CRMP1: variants seen among roughly 807,000 people sequenced by gnomAD.
CRMP1 encodes the protein dihydropyrimidinase-related protein 1.
CRMP1 carries 19 observed loss-of-function variants against 68.3 expected under a neutral mutation model. The ratio of observed to expected loss-of-function variants is 0.28; its 90% CI spans 0.19 to 0.41. The LOEUF (loss-of-function observed/expected upper bound fraction) is 0.41, where lower values mean the gene tolerates loss of function less well. CRMP1 is among the 10% of genes least tolerant of loss of function. CRMP1 has a pLI of 1.00. For missense variants in CRMP1, 791 were observed against 967.4 expected (o/e 0.82, Z 2.42); for synonymous variants, 439 against 399.6 (o/e 1.10, Z -1.18).
At position 5,877,321 on chromosome 4, in the gene CRMP1, A is replaced by G. The variant is rs777128394; in HGVS notation, c.382-10565T>C. ...CATCAAAGCAAATTAATACATCGTA[A>G]AGGTTCTGTGCTGGGAGCCACAGGG... On this transcript the variant is annotated intron_variant, in intron 1 of 13. Coordinates refer to ENST00000324989, the MANE Select transcript of CRMP1 (RefSeq NM_001014809.3). This position sits in a 1 kb window ranked among gnomAD's most constrained non-coding sequence, Gnocchi z 4.3. 6.6e-6 allele frequency among the ~76,000 whole-genome samples: 1 copy of G among 152,212 alleles called. No individual in the cohort carries two copies. The highest frequency in any genetic ancestry group is 1.5e-5 in the Non-Finnish European group (1 of 68,036).
intron 11 of CRMP1, among the ~76,000 whole-genome samples, chr4:5,835,381 G>A (rs181067008): frequency 6.6e-6 from 1 of 152,326 alleles, no homozygotes; most frequent in East Asian, 1.9e-4. Context: ...TTGGTAGGTT[G>A]CTGGATGAGT....
rs1713480444 is a variant in CRMP1, at chr4:5,860,679, A to C, written c.655+347T>G. 6.6e-6 allele frequency among the ~76,000 whole-genome samples: 1 copy of C among 151,106 alleles called. No homozygotes were observed. The highest frequency in any genetic ancestry group is 2.1e-4 in the South Asian group (1 of 4,766). ...CCTATAATCCATGTCTTCTTTACTTAATACTTTTCTTTAAACAAATTTTGT... is the reference window on the plus strand; with the variant it reads ...CCTATAATCCATGTCTTCTTTACTTCATACTTTTCTTTAAACAAATTTTGT... On this transcript the variant is annotated intron_variant, in intron 3 of 13. Transcript: ENST00000324989. This position sits in a 1 kb window ranked among gnomAD's most constrained non-coding sequence, Gnocchi z 4.2.
At chr4:5,836,973 A>T in intron 9 of CRMP1, 67 bp from the exon 10 acceptor site, 1 of 1,519,548 alleles carries the variant, frequency 6.6e-7, no homozygotes, top group South Asian at 1.3e-5. Flanking sequence ...CTGACTTCAG[A>T]CAGGTACATG....
Position 5,834,319 on chromosome 4 carries a change from G to C in CRMP1, c.1623+1596C>G, listed in dbSNP as rs531446019. ...GACCATTAAGAGCTGATTAGGTCAT[G>C]AAGGCTCTGCCCTCATTAATGGTTA... On this transcript the variant is annotated intron_variant, in intron 11 of 13. Transcript: ENST00000324989. The surrounding 1 kb of genome is among the most constrained non-coding windows in gnomAD (Gnocchi z 4.3). Among the ~76,000 whole-genome samples, 6 of 152,214 alleles carry C rather than the reference G, an allele frequency of 3.9e-5. No homozygotes were observed. The highest frequency in any genetic ancestry group is 5.9e-5 in the Non-Finnish European group (4 of 68,042).
At chr4:5,887,813 T>C in intron 1 of CRMP1, 2 of 993,280 alleles carry the variant, frequency 2.0e-6, no homozygotes, top group Non-Finnish European at 2.4e-6. Flanking sequence ...GTGGGGTGCA[T>C]GGGCCGGACG....
At chr4:5,833,907 G>C (rs568052087) in intron 11 of CRMP1, among the ~76,000 whole-genome samples, 1 of 152,176 alleles carries the variant, frequency 6.6e-6, no homozygotes, top group Admixed American at 6.5e-5. Flanking sequence ...TTAGCCGGGC[G>C]TGGTGGCAGG....
rs1714018967 is a variant in CRMP1 at position 5,866,606 on chromosome 4, C to T, written c.470+62G>A. ...AGGACAGAATGCCAGCCTTCTGTTC[C>T]ATCTAAGGCCAGGCAGCCTGGCGAC... On this transcript the variant is annotated intron_variant, in intron 2 of 13. Coordinates refer to ENST00000324989, the MANE Select transcript of CRMP1 (RefSeq NM_001014809.3). This position sits in a 1 kb window ranked among gnomAD's most constrained non-coding sequence, Gnocchi z 5.9. 2 of 1,235,668 alleles carry T rather than the reference C, an allele frequency of 1.6e-6. No homozygotes were observed. Among genetic ancestry groups the T allele is most frequent in the East Asian group, 4.7e-5 (2 of 42,200 alleles). The allele number at this position is 1,235,668 out of a possible 1,614,324, so 76.5% of individuals were successfully genotyped here.
Position 5,890,886 on chromosome 4 carries a change from C to T in CRMP1, c.381+1703G>A, listed in dbSNP as rs1229146035. 6.6e-6 allele frequency among the ~76,000 whole-genome samples: 1 copy of T among 152,132 alleles called. No individual in the cohort carries two copies. The highest frequency in any genetic ancestry group is 1.5e-5 in the Non-Finnish European group (1 of 68,022). ...CCCTCGCCTCCCTAGTACTCCACCA[C>T]GCTTTGAGGAAGGCCGGAAGAAGAC... On this transcript the variant is annotated intron_variant, in intron 1 of 13. Coordinates refer to ENST00000324989, the MANE Select transcript of CRMP1 (RefSeq NM_001014809.3). The surrounding 1 kb of genome is among the most constrained non-coding windows in gnomAD (Gnocchi z 5.5).
chr4:5,886,674 A>AGTC (rs1715610798), intron 1 of CRMP1, among the ~76,000 whole-genome samples: 1 of 152,166 alleles, frequency 6.6e-6, no homozygotes, highest in Non-Finnish European at 1.5e-5. Context: ...TCAAACCCAG[A>AGTC]ACTCCTGACT....
rs544436588 is a variant in CRMP1 at position 5,859,362 on chromosome 4, C to A, written c.655+1664G>T. On this transcript the variant is annotated intron_variant, in intron 3 of 13. Coordinates refer to ENST00000324989, the MANE Select transcript of CRMP1 (RefSeq NM_001014809.3). The surrounding 1 kb of genome is among the most constrained non-coding windows in gnomAD (Gnocchi z 5.2). ...GGCAGGGCTCCCCAGGGTCTCACAG[C>A]TGGTAATGGAGAAAAGCAGGGGACA... Among the ~76,000 whole-genome samples the A allele has an allele frequency of 2.0e-5, 3 of 152,290 alleles. No individual in the cohort carries two copies. The South Asian group carries it at 6.2e-4, about 32-fold the overall frequency.
rs993992964 is a variant in CRMP1 at position 5,889,967 on chromosome 4, C to T, written c.381+2622G>A. The T allele has an allele frequency of 7.9e-7, 1 of 1,272,354 alleles. No homozygotes were observed. The highest frequency in any genetic ancestry group is 3.2e-5 in the Admixed American group (1 of 30,956). 78.8% of individuals were successfully genotyped at this position (1,272,354 alleles called of 1,614,324 possible). The stretch of plus-strand genomic sequence containing the variant: ...AGGCTTACAGAGGTAAAATGATGTA[C>T]CCCGGGTGCAAAACATATTAGCTGC... On this transcript the variant is annotated intron_variant, in intron 1 of 13. Coordinates refer to ENST00000324989, the MANE Select transcript of CRMP1 (RefSeq NM_001014809.3). This position sits in a 1 kb window ranked among gnomAD's most constrained non-coding sequence, Gnocchi z 4.5.
intron 4 of CRMP1, among the ~76,000 whole-genome samples, chr4:5,851,786 CAAGGAG>C (rs1336232727): frequency 8.3e-6 from 1 of 120,844 alleles, no homozygotes; most frequent in Admixed American, 9.2e-5. Flanking sequence ...AGAAAGAGGA[CAAGGAG>C]GAAGAGGAAG....
intron 1 of CRMP1, among the ~76,000 whole-genome samples, chr4:5,884,482 G>GCGCACACACA (rs10693829): frequency 1.3e-5 from 2 of 150,094 alleles, no homozygotes; most frequent in Non-Finnish European, 3.0e-5. Flanking sequence ...AACTATGCAT[G>GCGCACACACA]CACACACACA....
Position 5,889,244 on chromosome 4 carries a change from TA to T in CRMP1, c.381+3344del, listed in dbSNP as rs1715830304. Among the ~76,000 whole-genome samples, 1 of 152,170 alleles carries T rather than the reference TA, an allele frequency of 6.6e-6. No homozygotes were observed. Among genetic ancestry groups the T allele is most frequent in the Non-Finnish European group, 1.5e-5 (1 of 68,030 alleles). ...GGCCTTAATTAATGCTGACCTGTTC[TA>T]CTCCAACAGCAGCTCCCTCATCACA... On this transcript the variant is annotated intron_variant, in intron 1 of 13. Transcript: ENST00000324989. The surrounding 1 kb of genome is among the most constrained non-coding windows in gnomAD (Gnocchi z 4.5).
rs773816708 is a variant in CRMP1 at position 5,891,504 on chromosome 4, C to A, written c.381+1085G>T. 6.6e-6 allele frequency among the ~76,000 whole-genome samples: 1 copy of A among 152,144 alleles called. No homozygotes were observed. Among genetic ancestry groups the A allele is most frequent in the South Asian group, 2.1e-4 (1 of 4,822 alleles). ...CAAACATTTATTGAATGCTCACTACCGACCGGCATTAACTGATTTAATTCT... is the reference window on the plus strand; with the variant it reads ...CAAACATTTATTGAATGCTCACTACAGACCGGCATTAACTGATTTAATTCT... On this transcript the variant is annotated intron_variant, in intron 1 of 13. Coordinates refer to ENST00000324989, the MANE Select transcript of CRMP1 (RefSeq NM_001014809.3). The surrounding 1 kb of genome is among the most constrained non-coding windows in gnomAD (Gnocchi z 5.2).
chr4:5,886,324 G>C (rs771430875), intron 1 of CRMP1, among the ~76,000 whole-genome samples: 1 of 152,204 alleles, frequency 6.6e-6, no homozygotes, highest in Non-Finnish European at 1.5e-5. Flanking sequence ...AAGACCTGTC[G>C]GCAGATCTGA....
rs1303932091 is a variant in CRMP1 at position 5,858,828 on chromosome 4, C to T, written c.655+2198G>A. Among the ~76,000 whole-genome samples the T allele has an allele frequency of 6.6e-6, 1 of 152,174 alleles. No individual in the cohort carries two copies. Among genetic ancestry groups the T allele is most frequent in the African/African-American group, 2.4e-5 (1 of 41,440 alleles). ...CTCACAGGATGTCATCCCTCAATCT[C>T]GACACCCCTGCACCGTGGGCCTCCC... On this transcript the variant is annotated intron_variant, in intron 3 of 13. Transcript: ENST00000324989. This position sits in a 1 kb window ranked among gnomAD's most constrained non-coding sequence, Gnocchi z 5.5.
intron 1 of CRMP1, among the ~76,000 whole-genome samples, chr4:5,868,952 TTC>T (rs1247222208): frequency 6.6e-6 from 1 of 152,144 alleles, no homozygotes; most frequent in Non-Finnish European, 1.5e-5. Context: ...TGTGTTCCTT[TTC>T]TTTTTTCTTT....
intron 1 of CRMP1, among the ~76,000 whole-genome samples, chr4:5,875,683 CA>C (rs1482923949): frequency 6.6e-6 from 1 of 152,056 alleles, no homozygotes. Context: ...CTGAAAGTTC[CA>C]GGTACTGTGG....
Sources: gnomAD v4.1 joint callset for allele counts (sites outside exome capture counted in the v4.1 genomes callset) on GRCh38, gnomAD v4.1.1 for gene constraint, Gnocchi (gnomAD v3.1) non-coding constraint, MANE v1.5 for transcripts, NCBI Gene and HGNC (gene_info 2026-07-23, HGNC 2026-07-21) for gene names.